The following PTPRT variants were observed in gnomAD, a reference collection of about 807,000 sequenced individuals.
PTPRT encodes the protein receptor-type tyrosine-protein phosphatase T.
PTPRT carries 56 observed loss-of-function variants against 176.8 expected under a neutral mutation model. The observed-to-expected ratio is 0.32, with a 90% CI of 0.26 to 0.40. PTPRT has a LOEUF of 0.40. Among genes scored for constraint, PTPRT ranks in the 10% least tolerant of loss-of-function variants. The pLI is 1.00. For synonymous variants in PTPRT, 783 were observed against 739.0 expected (o/e 1.06, Z -0.96); for missense variants, 1,540 against 1,908.2 (o/e 0.81, Z 3.60).
intron 1 of PTPRT, among the ~76,000 whole-genome samples, chr20:43,044,434 T>A (rs544465123): frequency 6.6e-6 from 1 of 152,276 alleles, no homozygotes; most frequent in African/African-American, 2.4e-5. Flanking sequence ...CTACTAATCC[T>A]TTCCAATGTG....
chr20:42,234,266 C>A (rs916183181), intron 15 of PTPRT, among the ~76,000 whole-genome samples: 1 of 152,178 alleles, frequency 6.6e-6, no homozygotes, highest in African/African-American at 2.4e-5. Context: ...CTCTTCACAG[C>A]AACTCTGTGA....
At chr20:43,028,415 G>C (rs1986006277) in intron 1 of PTPRT, among the ~76,000 whole-genome samples, 1 of 152,070 alleles carries the variant, frequency 6.6e-6, no homozygotes. Context: ...AAGTGTCACA[G>C]GTAAAATACT....
chr20:42,301,442 A>G (rs1464373461), intron 12 of PTPRT, among the ~76,000 whole-genome samples: 1 of 152,220 alleles, frequency 6.6e-6, no homozygotes, highest in Non-Finnish European at 1.5e-5. Context: ...ACTAAAGGCA[A>G]CATGTGACCC....
intron 9 of PTPRT, among the ~76,000 whole-genome samples, chr20:42,443,692 AC>A (rs980054373): frequency 3.3e-5 from 5 of 152,048 alleles, no homozygotes; most frequent in Non-Finnish European, 5.9e-5. Context: ...AGGGTGAGAC[AC>A]CCATCTTTCA....
At chr20:42,451,122 A>C (rs1245230845) in intron 8 of PTPRT, among the ~76,000 whole-genome samples, 1 of 152,118 alleles carries the variant, frequency 6.6e-6, no homozygotes, top group East Asian at 1.9e-4. Context: ...CTCGGGAGAA[A>C]GAATTGTAAC....
At chr20:42,583,036 A>T (rs1675346753) in intron 7 of PTPRT, among the ~76,000 whole-genome samples, 1 of 152,160 alleles carries the variant, frequency 6.6e-6, no homozygotes, top group African/African-American at 2.4e-5. Flanking sequence ...GGCTCAGCAC[A>T]GGGGCTGGCA....
chr20:42,478,994 T>G (rs932806083), intron 7 of PTPRT, among the ~76,000 whole-genome samples: 2 of 152,106 alleles, frequency 1.3e-5, no homozygotes, highest in Non-Finnish European at 2.9e-5. Context: ...AAGCAATAAG[T>G]AGAGGGTTGA....
rs563574207 is a variant in PTPRT at position 43,055,032 on chromosome 20, T to C, written c.88+134614A>G. The stretch of plus-strand genomic sequence containing the variant: ...TGAGATTGGTCTTGATCACTCCTGA[T>C]TTCTAAAATCTCCCCATCACCCTAC... On this transcript the variant is annotated intron_variant, in intron 1 of 30. Coordinates refer to ENST00000373187, the MANE Select transcript of PTPRT (RefSeq NM_007050.6). Among the ~76,000 whole-genome samples, 9 of 152,312 alleles carry C rather than the reference T, an allele frequency of 5.9e-5. No homozygotes were observed. The East Asian group carries it at 1.7e-3, about 29-fold the overall frequency.
Position 42,128,002 on chromosome 20 carries a change from C to A in PTPRT, c.2847+752G>T, listed in dbSNP as rs543293912. The stretch of plus-strand genomic sequence containing the variant: ...CTCTTGTCTATGGGATAAAGTCCCA[C>A]TTCCTAAGTCTGAGCATTTAATCTT... On this transcript the variant is annotated intron_variant, in intron 19 of 30. Coordinates refer to ENST00000373187, the MANE Select transcript of PTPRT (RefSeq NM_007050.6). Among the ~76,000 whole-genome samples, 6 of 152,304 alleles carry A rather than the reference C, an allele frequency of 3.9e-5. No homozygotes were observed. The East Asian group carries it at 1.2e-3, about 29-fold the overall frequency.
At chr20:42,134,825 C>G (rs1031840156) in intron 18 of PTPRT, among the ~76,000 whole-genome samples, 1 of 152,212 alleles carries the variant, frequency 6.6e-6, no homozygotes, top group African/African-American at 2.4e-5. Flanking sequence ...ACACCACTGA[C>G]AGAGGACAAA....
intron 13 of PTPRT, among the ~76,000 whole-genome samples, chr20:42,252,824 A>T (rs947452625): frequency 6.6e-6 from 1 of 152,246 alleles, no homozygotes; most frequent in African/African-American, 2.4e-5. Flanking sequence ...GTTTAGACGA[A>T]TTCAATGAGT....
intron 1 of PTPRT, among the ~76,000 whole-genome samples, chr20:43,119,305 T>C (rs1399167489): frequency 2.0e-5 from 3 of 152,248 alleles, no homozygotes; most frequent in Non-Finnish European, 4.4e-5. Flanking sequence ...TTCTTTGAAC[T>C]CTTGGTTTTG....
chr20:42,547,406 A>T (rs1221684986), intron 7 of PTPRT, among the ~76,000 whole-genome samples: 2 of 152,058 alleles, frequency 1.3e-5, no homozygotes, highest in African/African-American at 2.4e-5. Flanking sequence ...AAATGAAAAA[A>T]AAATATATTA....
intron 15 of PTPRT, among the ~76,000 whole-genome samples, chr20:42,222,376 T>G (rs34424541): frequency 0.023 from 3,444 of 152,326 alleles, 59 homozygotes; most frequent in Non-Finnish European, 0.033. Flanking sequence ...GGTTTATAAC[T>G]CCCATATTCC....
At chr20:43,037,586 T>G (rs1228790477) in intron 1 of PTPRT, among the ~76,000 whole-genome samples, 1 of 152,180 alleles carries the variant, frequency 6.6e-6, no homozygotes, top group African/African-American at 2.4e-5. Flanking sequence ...ATGTTAAAGC[T>G]AAAATTGAAT....
chr20:42,534,900 T>C (rs1200469695), intron 7 of PTPRT, among the ~76,000 whole-genome samples: 2 of 152,142 alleles, frequency 1.3e-5, no homozygotes, highest in Non-Finnish European at 1.5e-5. Flanking sequence ...CAATGGTACG[T>C]ATTTGTTGAG....
chr20:42,270,236 G>T (rs2056907654), intron 13 of PTPRT, among the ~76,000 whole-genome samples: 1 of 144,966 alleles, frequency 6.9e-6, no homozygotes, highest in Non-Finnish European at 1.5e-5. Flanking sequence ...GGAGGGATGG[G>T]TGGATGAATG....
chr20:42,158,462 T>A (rs1989450889), intron 17 of PTPRT, among the ~76,000 whole-genome samples: 1 of 152,182 alleles, frequency 6.6e-6, no homozygotes, highest in African/African-American at 2.4e-5. Flanking sequence ...CACTCATGTG[T>A]ATGAAAACAC....
chr20:43,137,197 G>A (rs1024150225), intron 1 of PTPRT, among the ~76,000 whole-genome samples: 1 of 152,182 alleles, frequency 6.6e-6, no homozygotes, highest in African/African-American at 2.4e-5. Flanking sequence ...GAGGCAGCAT[G>A]TTATGGGTAC....
Sources: gnomAD v4.1 joint callset for allele counts (sites outside exome capture counted in the v4.1 genomes callset) on GRCh38, gnomAD v4.1.1 for gene constraint, MANE v1.5 for transcripts, NCBI Gene and HGNC (gene_info 2026-07-23, HGNC 2026-07-21) for gene names.